The following COPZ2 variants were observed in gnomAD, a reference collection of about 807,000 sequenced individuals.
COPZ2 encodes the protein coatomer subunit zeta-2.
Under a neutral mutation model 33.2 loss-of-function variants are expected in COPZ2, and 30 were observed. The ratio of observed to expected loss-of-function variants is 0.90; its 90% CI spans 0.68 to 1.23. COPZ2 has a LOEUF of 1.23. Ranked by LOEUF, COPZ2 falls within the 50% of genes most tolerant of loss-of-function variation. COPZ2 has a pLI of 0.00. For missense variants in COPZ2, 263 were observed against 262.4 expected (o/e 1.00, Z -0.02); for synonymous variants, 89 against 102.6 (o/e 0.87, Z 0.80).
chr17:48,028,460 A>C lies in COPZ2; in HGVS notation c.585+12T>G, dbSNP rs778982218. 5.6e-6 allele frequency: 9 copies of C among 1,607,960 alleles called. No individual in the cohort carries two copies. Among genetic ancestry groups the C allele is most frequent in the Non-Finnish European group, 7.6e-6 (9 of 1,177,256 alleles). On this transcript the variant is annotated intron_variant, in intron 8 of 8. Transcript: ENST00000621465. This position sits in a 1 kb window ranked among gnomAD's most constrained non-coding sequence, Gnocchi z 4.5. ...GACCATTTCTAGCCAAGGCAGATGC[A>C]GGGGGGCCTACCTGGGCCACACTCT...
Position 48,028,360 on chromosome 17 carries a change from T to G in COPZ2, c.585+112A>C. The G allele has an allele frequency of 8.8e-7, 1 of 1,131,298 alleles. No individual in the cohort carries two copies. Among genetic ancestry groups the G allele is most frequent in the Non-Finnish European group, 1.2e-6 (1 of 803,334 alleles). The allele number at this position is 1,131,298 out of a possible 1,614,324, so 70.1% of individuals were successfully genotyped here. A position where few individuals can be genotyped will look rare whatever the true frequency, so the allele number is the denominator to read the frequency against. On this transcript the variant is annotated intron_variant, in intron 8 of 8. Transcript: ENST00000621465. The surrounding 1 kb of genome is among the most constrained non-coding windows in gnomAD (Gnocchi z 4.5). ...GCCTCATCCCTTCCCTTCTCACCCC[T>G]GATTTTTCAGACTTGATAACTTCAC... is the stretch of plus-strand genomic sequence containing the variant.
rs765536209 is a variant in COPZ2, at chr17:48,037,240, G to T, written c.112-315C>A. 4 of 596,022 alleles carry T rather than the reference G, an allele frequency of 6.7e-6. No homozygotes were observed. Among genetic ancestry groups the T allele is most frequent in the South Asian group, 3.0e-5 (2 of 66,088 alleles). The allele number at this position is 596,022 out of a possible 1,614,324, so 36.9% of individuals were successfully genotyped here. A position where few individuals can be genotyped will look rare whatever the true frequency, so the allele number is the denominator to read the frequency against. ...GAGTGTATCACAGAACCTGGGCCGG[G>T]GGGGACAGCGGGCCGAGCCTCCTTC... On this transcript the variant is annotated intron_variant, in intron 1 of 8. Coordinates refer to ENST00000621465, the MANE Select transcript of COPZ2 (RefSeq NM_016429.4). The surrounding 1 kb of genome is among the most constrained non-coding windows in gnomAD (Gnocchi z 5.6).
the COPZ2 span, chr17:48,047,632 A>ATCGCCAACGTT: frequency 6.6e-6 from 1 of 151,178 alleles, no homozygotes; most frequent in Non-Finnish European, 1.5e-5. Context: ...CACCTCTCAC[A>ATCGCCAACGTT]CCGCCAACGT....
chr17:48,042,622 C>T (rs990125331), upstream of COPZ2, among the ~76,000 whole-genome samples: 5 of 151,972 alleles, frequency 3.3e-5, no homozygotes, highest in African/African-American at 7.3e-5. Context: ...CCACCATGCC[C>T]GGCTAATTTT....
At position 48,032,296 on chromosome 17, in the gene COPZ2, G is replaced by T. The variant is rs2036906501; in HGVS notation, c.417-63C>A. ...TGGGAGGAACTGAGTCCCTGCCTAG[G>T]TGAGGCTGACCCCACTCTCCAAAGA... On this transcript the variant is annotated intron_variant, in intron 5 of 8. Coordinates refer to ENST00000621465, the MANE Select transcript of COPZ2 (RefSeq NM_016429.4). 2.1e-6 allele frequency: 3 copies of T among 1,425,488 alleles called. No individual in the cohort carries two copies. In the African/African-American group the frequency reaches 4.2e-5, roughly 20 times the overall value. 88.3% of individuals were successfully genotyped at this position (1,425,488 alleles called of 1,614,324 possible).
At chr17:48,038,026 G>T (rs570119111), upstream of COPZ2, 42 of 276,846 alleles carry the variant, frequency 1.5e-4, no homozygotes, top group African/African-American at 9.1e-4. Flanking sequence ...CATCCTCAGG[G>T]TGCCCCAAGA....
chr17:48,028,373 T>C lies in COPZ2; in HGVS notation c.585+99A>G. ...CCTTCTCACCCCTGATTTTTCAGAC[T>C]TGATAACTTCACTGGGTCCCCCTAG... On this transcript the variant is annotated intron_variant, in intron 8 of 8. Transcript: ENST00000621465. The surrounding 1 kb of genome is among the most constrained non-coding windows in gnomAD (Gnocchi z 4.5). 1 of 1,249,784 alleles carries C rather than the reference T, an allele frequency of 8.0e-7. No individual in the cohort carries two copies. The highest frequency in any genetic ancestry group is 1.1e-6 in the Non-Finnish European group (1 of 906,100). 77.4% of individuals were successfully genotyped at this position (1,249,784 alleles called of 1,614,324 possible). A position where few individuals can be genotyped will look rare whatever the true frequency, so the allele number is the denominator to read the frequency against.
intron 6 of COPZ2, among the ~76,000 whole-genome samples, chr17:48,029,581 C>T (rs921461267): frequency 6.8e-6 from 1 of 148,138 alleles, no homozygotes; most frequent in South Asian, 2.1e-4. Context: ...TATCTTGTTG[C>T]ACTGTTATTT....
the COPZ2 span, chr17:48,043,552 G>A: frequency 1.0e-6 from 1 of 985,412 alleles, no homozygotes; most frequent in Non-Finnish European, 1.2e-6. Flanking sequence ...TCCATGCTCT[G>A]TCTGTAGGAT....
intron 2 of COPZ2, among the ~76,000 whole-genome samples, chr17:48,034,718 C>T (rs955623943): frequency 6.6e-6 from 1 of 152,036 alleles, no homozygotes; most frequent in East Asian, 1.9e-4. Context: ...CATGGTGGCT[C>T]ATGCCTGTAA....
rs751707521 is a variant in COPZ2 at position 48,032,148 on chromosome 17, C to G, written c.494+8G>C. The G allele has an allele frequency of 1.9e-6, 3 of 1,611,312 alleles. No homozygotes were observed. The African/African-American group carries it at 4.0e-5, about 22-fold the overall frequency. ...TGCTGTGAGTGTCCCTGACTGTCCC[C>G]TCCTCACCCGCCATCCACAATCTCG... On this transcript the variant is annotated splice_region_variant and intron_variant, in intron 6 of 8. Coordinates refer to ENST00000621465, the MANE Select transcript of COPZ2 (RefSeq NM_016429.4).
Position 48,037,747 on chromosome 17 carries a change from G to A in COPZ2, c.31C>T (p.His11Tyr). 2.9e-6 allele frequency: 3 copies of A among 1,051,310 alleles called. No homozygotes were observed. Among genetic ancestry groups the A allele is most frequent in the Non-Finnish European group, 3.4e-6 (3 of 875,700 alleles). 65.1% of individuals were successfully genotyped at this position (1,051,310 alleles called of 1,614,324 possible). The change falls in exon 1 of 9, where the codon CAC (histidine) becomes TAC (tyrosine). Residue 11 changes from histidine to tyrosine, a missense_variant. Transcript: ENST00000621465. This position sits in a 1 kb window ranked among gnomAD's most constrained non-coding sequence, Gnocchi z 5.6. MQRPEAWPRPHPGEGAAAAQA... is the reference protein window; with the variant it reads MQRPEAWPRPYPGEGAAAAQA... ...GCCGCCGCGGCCCCCTCCCCCGGGT[G>A]CGGACGTGGCCAGGCCTCGGGCCGC...
At position 48,029,012 on chromosome 17, in the gene COPZ2, G is replaced by C. The variant is rs2036854317; in HGVS notation, c.546+113C>G. 3 of 933,498 alleles carry C rather than the reference G, an allele frequency of 3.2e-6. No homozygotes were observed. The East Asian group carries it at 8.1e-5, about 25-fold the overall frequency. 57.8% of individuals were successfully genotyped at this position (933,498 alleles called of 1,614,324 possible). A position where few individuals can be genotyped will look rare whatever the true frequency, so the allele number is the denominator to read the frequency against. On this transcript the variant is annotated intron_variant, in intron 7 of 8. Transcript: ENST00000621465. ...CCCTAACAAGTGTGTCAGCCCAGTG[G>C]TTGGCTTCTGCTAGAGGAGCTTGGG...
At chr17:48,029,362 T>A (rs1435833249) in intron 6 of COPZ2, 186 bp from the exon 7 acceptor site, 1 of 655,192 alleles carries the variant, frequency 1.5e-6, no homozygotes, top group African/African-American at 1.8e-5. Flanking sequence ...CAGCTCTGAT[T>A]CTTTGATGCT....
chr17:48,036,900 A>C lies in COPZ2; in HGVS notation c.137T>G (p.Ile46Ser). 1 of 1,613,962 alleles carries C rather than the reference A, an allele frequency of 6.2e-7. No homozygotes were observed. Among genetic ancestry groups the C allele is most frequent in the Non-Finnish European group, 8.5e-7 (1 of 1,179,874 alleles). The change falls in exon 2 of 9, where the codon ATC becomes AGC. Residue 46 changes from isoleucine to serine, a missense_variant. Coordinates refer to ENST00000621465, the MANE Select transcript of COPZ2 (RefSeq NM_016429.4). ...ATTATCTAGGATGAAAACAGCCTTG[A>C]TGGTGTAGAGGGAAGGTTCCTGCAA... ...LRLQEPSLYT[I>S]KAVFILDNDG...
In COPZ2 at chr17:48,034,005, T is replaced by A. The variant is rs1026444947; in HGVS notation, c.187-61A>T. 1.8e-5 allele frequency: 23 copies of A among 1,254,144 alleles called. No homozygotes were observed. In the Admixed American group the frequency reaches 3.9e-4, roughly 21 times the overall value. 77.7% of individuals were successfully genotyped at this position (1,254,144 alleles called of 1,614,324 possible). ...CCACACAGCCTGGATCCTCCCTAGA[T>A]TGGGGGGCAGGAAAGAGTAGGCGCT... On this transcript the variant is annotated intron_variant, in intron 2 of 8. Transcript: ENST00000621465.
chr17:48,029,291 T>G, intron 6 of COPZ2, 115 bp from the exon 7 acceptor site: 1 of 906,098 alleles, frequency 1.1e-6, no homozygotes, highest in African/African-American at 1.7e-5. Flanking sequence ...ATCTCCACCT[T>G]CCAGGTCCCT....
At chr17:48,037,964 T>G, upstream of COPZ2, 1 of 585,066 alleles carries the variant, frequency 1.7e-6, no homozygotes, top group Non-Finnish European at 2.1e-6. This position sits in a 1 kb window ranked among gnomAD's most constrained non-coding sequence, Gnocchi z 5.6. Context: ...ACTTCTCCTC[T>G]CCCTCTCTCC....
chr17:48,037,846 C>CT (rs1370743873), upstream of COPZ2: 23 of 982,316 alleles, frequency 2.3e-5, no homozygotes, highest in Non-Finnish European at 2.5e-5. The surrounding 1 kb of genome is among the most constrained non-coding windows in gnomAD (Gnocchi z 5.6). Flanking sequence ...GCCTCCGCGC[C>CT]GCCCCGCGGC....
Sources: gnomAD v4.1 joint callset for allele counts (sites outside exome capture counted in the v4.1 genomes callset) on GRCh38, gnomAD v4.1.1 for gene constraint, Gnocchi (gnomAD v3.1) non-coding constraint, MANE v1.5 for transcripts, NCBI Gene and HGNC (gene_info 2026-07-23, HGNC 2026-07-21) for gene names.